The following NOC2L variants were observed in gnomAD, a reference collection of about 807,000 sequenced individuals.
NOC2L encodes the protein NOC2 like nucleolar associated transcriptional repressor.
NOC2L carries 101 observed loss-of-function variants against 94.2 expected under a neutral mutation model. The observed-to-expected ratio is 1.07, with a 90% CI of 0.91 to 1.26. The LOEUF is 1.26. NOC2L is among the 50% of genes most tolerant of loss of function. The probability of loss-of-function intolerance (pLI) is 0.00; values close to 1 mark genes in which losing one functional copy is unlikely to be tolerated. For missense variants in NOC2L, 1,076 were observed against 980.1 expected, an observed-to-expected ratio of 1.10 and a Z score of -1.31; for synonymous variants, 531 against 413.4, an observed-to-expected ratio of 1.28 and a Z score of -3.45.
chr1:946,292 G>A lies in NOC2L; in HGVS notation c.1804-6C>T, dbSNP rs773897707. 1.2e-6 allele frequency: 2 copies of A among 1,612,436 alleles called. No individual in the cohort carries two copies. The highest frequency in any genetic ancestry group is 4.5e-5 in the East Asian group (2 of 44,840). On this transcript the variant is annotated splice_region_variant and splice_polypyrimidine_tract_variant and intron_variant, in intron 15 of 18. Coordinates refer to ENST00000327044, the MANE Select transcript of NOC2L (RefSeq NM_015658.4). Reference sequence around the variant, plus strand: ...GTCAGCTTCTCCCAGGCTTCCTGGGGGGTTGGGGGAGTTCAGGGTCATGCC... The same window carrying A: ...GTCAGCTTCTCCCAGGCTTCCTGGGAGGTTGGGGGAGTTCAGGGTCATGCC...
intron 12 of NOC2L, among the ~76,000 whole-genome samples, chr1:950,391 G>A (rs1481910009): frequency 1.4e-5 from 2 of 143,968 alleles, no homozygotes; most frequent in Non-Finnish European, 3.0e-5. Context: ...AGACGCAAAT[G>A]CATGCACACA....
chr1:946,225 CA>C lies in NOC2L; in HGVS notation c.1864del (p.Trp622GlyfsTer22). ...GATCTCCCGGTCACGCAGCTTGCGC[CA>C]GTGGCTGTAGTACAAGGTCAGGGGT... ...GTPLTLYYSH[W>X]RKLRDREIQL... is the part of the protein sequence containing the mutation. On this transcript the variant is annotated frameshift_variant, in exon 16 of 19. Coordinates refer to ENST00000327044, the MANE Select transcript of NOC2L (RefSeq NM_015658.4). LOFTEE classifies it high-confidence loss of function. 1 of 1,613,802 alleles carries C rather than the reference CA, an allele frequency of 6.2e-7. No individual in the cohort carries two copies. Among genetic ancestry groups the C allele is most frequent in the Non-Finnish European group, 8.5e-7 (1 of 1,179,882 alleles).
chr1:954,847 CAAACAAACAA>C (rs1642360276), intron 6 of NOC2L, among the ~76,000 whole-genome samples: 1 of 151,974 alleles, frequency 6.6e-6, no homozygotes, highest in African/African-American at 2.4e-5. Flanking sequence ...AACCAAAAAC[CAAACAAACAA>C]AACAAAACAA....
chr1:944,824 A>G (rs756488619), intron 18 of NOC2L, 24 bp from the exon 19 acceptor site: 46 of 1,495,108 alleles, frequency 3.1e-5, no homozygotes, highest in Non-Finnish European at 3.9e-5. Context: ...TGGAGGCTAC[A>G]TAAATTTTGC....
chr1:945,676 G>C (rs1201597038), intron 16 of NOC2L, 23 bp from the exon 17 acceptor site: 1 of 1,613,980 alleles, frequency 6.2e-7, no homozygotes, highest in Non-Finnish European at 8.5e-7. Flanking sequence ...AGAACCAGGG[G>C]CTCAGGTGAG....
At chr1:951,610 G>C (rs971463132) in intron 11 of NOC2L, among the ~76,000 whole-genome samples, 16 of 152,118 alleles carry the variant, frequency 1.1e-4, no homozygotes, top group African/African-American at 3.9e-4. Context: ...ACCTTTTCCT[G>C]CTGCAGCCCC....
rs779299571 is a variant in NOC2L, at chr1:952,136, T to C, written c.1195A>G (p.Thr399Ala). Residue 399 changes from threonine (T) to alanine (A), a missense_variant, in exon 11 of 19, where the codon ACA (threonine) becomes GCA (alanine). Around this residue, in one of 3 missense-constraint regions of NOC2L, gnomAD observed 615 missense variants for 577.4 expected, o/e 1.07. Transcript: ENST00000327044. ...RNAMTTRKKETYQSVYNWQYV... is the reference protein window; with the variant it reads ...RNAMTTRKKEAYQSVYNWQYV... ...TGCCAGTTGTACACAGACTGGTATG[T>C]TTCCTGGTCAGAGAGAACCACGTCA... The C allele has an allele frequency of 7.4e-6, 12 of 1,613,546 alleles. No homozygotes were observed. The East Asian group carries it at 2.2e-4, about 30-fold the overall frequency.
At chr1:951,619 C>G (rs1167151193) in intron 11 of NOC2L, among the ~76,000 whole-genome samples, 1 of 152,228 alleles carries the variant, frequency 6.6e-6, no homozygotes, top group Non-Finnish European at 1.5e-5. Context: ...TGCTGCAGCC[C>G]CTACCGTGCC....
rs1252089178 is a variant in NOC2L at position 944,767 on chromosome 1, G to A, written c.2177C>T (p.Pro726Leu). The stretch of plus-strand genomic sequence containing the variant: ...CTGGGCCAGCTGCTGCAGCTCCCCA[G>A]GGGCCAGCCCCGCCTCTGCGTCTGG... ...GDPDAEAGLA[P>L]GELQQLAQGP... The change falls in exon 19 of 19, where the codon CCT becomes CTT. Residue 726 changes from proline (P) to leucine (L), a missense_variant. Pro to Leu is a moderately conservative substitution (Grantham distance 98). Transcript: ENST00000327044. The A allele has an allele frequency of 1.9e-6, 3 of 1,599,714 alleles. No individual in the cohort carries two copies. Among genetic ancestry groups the A allele is most frequent in the Admixed American group, 1.7e-5 (1 of 59,604 alleles).
At position 951,132 on chromosome 1, in the gene NOC2L, G is replaced by C; in HGVS notation, c.1438C>G (p.Leu480Val). The C allele has an allele frequency of 6.3e-7, 1 of 1,578,226 alleles. No homozygotes were observed. Among genetic ancestry groups the C allele is most frequent in the South Asian group, 1.2e-5 (1 of 85,868 alleles). The part of the protein sequence containing the change: ...GAFIPVLPFI[L>V]EMFQQVDFNR... Reference sequence around the variant, plus strand: ...CCCACCACAGCCTCACTCACCTCCAGGATGAAAGGCAGCACCGGGATGAAG... The same window carrying C: ...CCCACCACAGCCTCACTCACCTCCACGATGAAAGGCAGCACCGGGATGAAG... Residue 480 changes from leucine (L) to valine (V), a missense_variant, in exon 12 of 19, where the codon CTG (leucine) becomes GTG (valine). Physicochemically the swap from Leu to Val is conservative, Grantham distance 32 (BLOSUM62 1). Transcript: ENST00000327044.
At chr1:952,965 G>C (rs1642299701) in intron 9 of NOC2L, among the ~76,000 whole-genome samples, 1 of 152,150 alleles carries the variant, frequency 6.6e-6, no homozygotes, top group African/African-American at 2.4e-5. Context: ...GCAGGGTCCA[G>C]GTGGGGCCCT....
intron 12 of NOC2L, among the ~76,000 whole-genome samples, chr1:950,248 C>A (rs1044672227): frequency 6.6e-6 from 1 of 151,332 alleles, no homozygotes; most frequent in East Asian, 2.0e-4. Flanking sequence ...GATGCAAATG[C>A]ATGCACACAA....
chr1:959,073 G>A lies in NOC2L; in HGVS notation c.35C>T (p.Ala12Val). 3 of 1,608,882 alleles carry A rather than the reference G, an allele frequency of 1.9e-6. No homozygotes were observed. Among genetic ancestry groups the A allele is most frequent in the Middle Eastern group, 1.7e-4 (1 of 6,038 alleles). ...AAAGSRKRRL[A>V]ELTVDEFLAS... Reference sequence around the variant, plus strand: ...TAGGAACTCGTCCACCGTCAGCTCCGCCAGGCGCCTGCGGGTCACGCAGGA... The same window carrying A: ...TAGGAACTCGTCCACCGTCAGCTCCACCAGGCGCCTGCGGGTCACGCAGGA... The change falls in exon 2 of 19, where the codon GCG becomes GTG. Residue 12 changes from alanine (A) to valine (V), a missense_variant. Transcript: ENST00000327044.
In NOC2L at chr1:944,615, C is replaced by G; in HGVS notation, c.*79G>C. 1 of 884,294 alleles carries G rather than the reference C, an allele frequency of 1.1e-6. No individual in the cohort carries two copies. Among genetic ancestry groups the G allele is most frequent in the Non-Finnish European group, 1.8e-6 (1 of 561,186 alleles). 54.8% of individuals were successfully genotyped at this position (884,294 alleles called of 1,614,324 possible). ...CTCCCCCAACTGCACAGACGCCAGC[C>G]TCTAGGCCTGACTGCCAGGGAGGTG... On this transcript the variant is annotated 3_prime_UTR_variant, in exon 19 of 19. Transcript: ENST00000327044.
At chr1:945,292 TG>T in intron 17 of NOC2L, 146 bp from the exon 18 acceptor site, 1 of 1,123,232 alleles carries the variant, frequency 8.9e-7, no homozygotes, top group Non-Finnish European at 1.3e-6. Context: ...GGGGAGGAAC[TG>T]GGAGGTCACA....
chr1:958,745 A>G lies in NOC2L; in HGVS notation c.179+184T>C, dbSNP rs1347585405. On this transcript the variant is annotated intron_variant, in intron 2 of 18. Transcript: ENST00000327044. ...CCAACATACGCTCCCTGCCTAGGACAGAGTTTGGCACGGAACAGGAGCTCA... is the reference window on the plus strand; with the variant it reads ...CCAACATACGCTCCCTGCCTAGGACGGAGTTTGGCACGGAACAGGAGCTCA... The G allele has an allele frequency of 4.1e-6, 3 of 723,712 alleles. No individual in the cohort carries two copies. The South Asian group carries it at 4.4e-5, about 11-fold the overall frequency. 44.8% of individuals were successfully genotyped at this position (723,712 alleles called of 1,614,324 possible).
At position 956,002 on chromosome 1, in the gene NOC2L, G is replaced by A. The variant is rs536809464; in HGVS notation, c.619C>T (p.Leu207=). The A allele has an allele frequency of 1.9e-4, 299 of 1,613,924 alleles. 4 individuals are homozygous for A. The South Asian group carries it at 3.0e-3, about 16-fold the overall frequency. The change falls in exon 6 of 19, where the codon CTG becomes TTG. Residue 207 remains leucine (L), a synonymous_variant. Transcript: ENST00000327044. ...AGGTCTCTGATGCAGAAGGTAACCA[G>A]AGCATTGAATGCTGCAACGAAAAGG... ...QVTDSAAFNA[L]VTFCIRDLIG... is the part of the protein sequence containing the mutation.
At position 957,014 on chromosome 1, in the gene NOC2L, C is replaced by T. The variant is rs1279189991; in HGVS notation, c.366G>A (p.Glu122=). 6.2e-7 allele frequency: 1 copy of T among 1,614,114 alleles called. No homozygotes were observed. Among genetic ancestry groups the T allele is most frequent in the South Asian group, 1.1e-5 (1 of 91,088 alleles). Residue 122 remains glutamate (E), a synonymous_variant, in exon 4 of 19, where the codon GAG becomes GAA. Transcript: ENST00000327044. ...SLPDVLEEAS[E]EEDGAEEGED... is the part of the protein sequence containing the mutation. ...CTCCTTCCTCCGCTCCATCCTCCTCCTCACTGGCTTCCTGCACAGAAAGGC... is the reference window on the plus strand; with the variant it reads ...CTCCTTCCTCCGCTCCATCCTCCTCTTCACTGGCTTCCTGCACAGAAAGGC...
At chr1:949,730 AG>A (rs1348374284) in intron 12 of NOC2L, among the ~76,000 whole-genome samples, 2 of 152,180 alleles carry the variant, frequency 1.3e-5, no homozygotes, top group Non-Finnish European at 2.9e-5. Context: ...CCACAGACAC[AG>A]GGGCCAGGCC....
Sources: allele counts gnomAD v4.1 joint callset (sites outside exome capture counted in the v4.1 genomes callset), GRCh38; gene constraint gnomAD v4.1.1; regional missense constraint gnomAD v4.1.1; transcripts MANE v1.5; gene names NCBI Gene and HGNC (gene_info 2026-07-23, HGNC 2026-07-21).